Variants in PCDH7 observed in about 807,000 individuals in gnomAD.
PCDH7 encodes protocadherin 7.
A neutral mutation model predicts 58.9 loss-of-function variants in PCDH7; 17 were observed. The observed-to-expected ratio is 0.29, with a 90% CI of 0.20 to 0.43. The LOEUF (loss-of-function observed/expected upper bound fraction) is 0.43. Ranked by LOEUF, PCDH7 falls within the 20% of genes least tolerant of loss-of-function variation. The probability of loss-of-function intolerance (pLI) is 1.00; values close to 1 mark genes in which losing one functional copy is unlikely to be tolerated. For missense variants in PCDH7, 1,274 were observed against 1,441.0 expected (o/e 0.88, Z 1.88); for synonymous variants, 664 against 616.4 (o/e 1.08, Z -1.14).
chr4:30,755,866 G>A (rs888499830), intron 1 of PCDH7, among the ~76,000 whole-genome samples: 5 of 152,000 alleles, frequency 3.3e-5, no homozygotes, highest in African/African-American at 1.2e-4. Flanking sequence ...GGATCAGGAG[G>A]TCAAGAGATC....
At chr4:30,869,918 T>A (rs1735343221) in intron 1 of PCDH7, among the ~76,000 whole-genome samples, 1 of 152,186 alleles carries the variant, frequency 6.6e-6, no homozygotes, top group East Asian at 1.9e-4. Flanking sequence ...AAAGCGTTCC[T>A]ATTTCTCCAC....
At chr4:31,007,170 T>C (rs929899814) in intron 3 of PCDH7, among the ~76,000 whole-genome samples, 1 of 152,164 alleles carries the variant, frequency 6.6e-6, no homozygotes, top group African/African-American at 2.4e-5. Context: ...GCTGTCTGGC[T>C]TGGAGAATTA....
chr4:31,028,419 G>A (rs1005807757), intron 3 of PCDH7, among the ~76,000 whole-genome samples: 4 of 152,044 alleles, frequency 2.6e-5, no homozygotes, highest in South Asian at 2.1e-4. Flanking sequence ...GGGCCGCTGA[G>A]GTAGTAGGAC....
intron 3 of PCDH7, among the ~76,000 whole-genome samples, chr4:31,036,467 T>C (rs902017162): frequency 2.0e-5 from 3 of 152,054 alleles, no homozygotes; most frequent in Non-Finnish European, 4.4e-5. Context: ...GGATTATAAG[T>C]GCAAGCCACT....
At chr4:30,762,101 A>G (rs918570759) in intron 1 of PCDH7, among the ~76,000 whole-genome samples, 4 of 152,230 alleles carry the variant, frequency 2.6e-5, no homozygotes, top group Admixed American at 6.5e-5. Context: ...GCATTTATAT[A>G]TTAATCCTGT....
intron 3 of PCDH7, among the ~76,000 whole-genome samples, chr4:31,089,322 A>T (rs184679403): frequency 3.7e-4 from 57 of 152,288 alleles, no homozygotes; most frequent in Admixed American, 3.9e-4. Context: ...TAATAAATAC[A>T]GAAAAAACAC....
At chr4:30,964,614 C>CTT (rs5857217) in intron 3 of PCDH7, among the ~76,000 whole-genome samples, 30,404 of 144,386 alleles carry the variant, frequency 0.21, 3,624 homozygotes, top group South Asian at 0.27. Flanking sequence ...CACAAATGGA[C>CTT]TTTTTTTTTT....
chr4:31,096,499 G>A (rs533768462), intron 3 of PCDH7, among the ~76,000 whole-genome samples: 75 of 152,250 alleles, frequency 4.9e-4, no homozygotes, highest in African/African-American at 1.8e-3. Context: ...TTAAAGGGTA[G>A]CAAATTTAGA....
chr4:30,841,049 A>C (rs1731149511), intron 1 of PCDH7, among the ~76,000 whole-genome samples: 1 of 152,184 alleles, frequency 6.6e-6, no homozygotes, highest in Admixed American at 6.6e-5. Context: ...TGGAATTTAA[A>C]TAAATGCAAC....
chr4:30,861,202 A>C (rs1029879922), intron 1 of PCDH7, among the ~76,000 whole-genome samples: 2 of 152,190 alleles, frequency 1.3e-5, no homozygotes, highest in African/African-American at 2.4e-5. Flanking sequence ...TGATGCCTCC[A>C]ACGATTCAAC....
At chr4:30,793,847 T>C (rs1250332064) in intron 1 of PCDH7, 4 of 152,176 alleles carry the variant, frequency 2.6e-5, no homozygotes, top group African/African-American at 4.8e-5. Context: ...ACATAGAAGA[T>C]AAGTATAAAG....
At chr4:31,042,343 G>A (rs544661698) in intron 3 of PCDH7, among the ~76,000 whole-genome samples, 1 of 152,208 alleles carries the variant, frequency 6.6e-6, no homozygotes, top group South Asian at 2.1e-4. Context: ...TTTTTTCCCA[G>A]TAGAATTCTC....
intron 3 of PCDH7, among the ~76,000 whole-genome samples, chr4:31,006,473 G>T (rs759367037): frequency 1.3e-5 from 2 of 152,040 alleles, no homozygotes; most frequent in Non-Finnish European, 2.9e-5. Flanking sequence ...ATGGCCAAAG[G>T]GAGACATATA....
intron 2 of PCDH7, among the ~76,000 whole-genome samples, chr4:30,921,839 T>A (rs956323546): frequency 6.7e-6 from 1 of 150,014 alleles, no homozygotes; most frequent in African/African-American, 2.4e-5. Flanking sequence ...AAAAAGAAAT[T>A]AAACTAAAAA....
chr4:30,835,570 A>G (rs1461724581), intron 1 of PCDH7, among the ~76,000 whole-genome samples: 1 of 152,148 alleles, frequency 6.6e-6, no homozygotes, highest in Non-Finnish European at 1.5e-5. Context: ...GAGAGATCCA[A>G]TCATATGGAG....
At chr4:30,977,294 A>T (rs534717505) in intron 3 of PCDH7, among the ~76,000 whole-genome samples, 12 of 152,290 alleles carry the variant, frequency 7.9e-5, no homozygotes, top group African/African-American at 2.9e-4. Context: ...AATAAAAATT[A>T]TACTTAGAAG....
At chr4:30,965,963 A>G (rs1418281233) in intron 3 of PCDH7, among the ~76,000 whole-genome samples, 1 of 152,082 alleles carries the variant, frequency 6.6e-6, no homozygotes. Context: ...GTGAAAATGC[A>G]TTTTTCTTTT....
At chr4:31,116,330 A>G (rs893867668) in intron 3 of PCDH7, among the ~76,000 whole-genome samples, 24 of 152,238 alleles carry the variant, frequency 1.6e-4, no homozygotes, top group African/African-American at 5.8e-4. Flanking sequence ...TGCTGTTTGC[A>G]TACTTTTCTG....
chr4:31,108,327 A>C (rs1715836457), intron 3 of PCDH7, among the ~76,000 whole-genome samples: 2 of 145,860 alleles, frequency 1.4e-5, no homozygotes, highest in Admixed American at 1.4e-4. Flanking sequence ...TATTCTAAAA[A>C]TAGAGCAATG....
Sources: gnomAD v4.1 joint callset for allele counts (sites outside exome capture counted in the v4.1 genomes callset) on GRCh38, gnomAD v4.1.1 for gene constraint, MANE v1.5 for transcripts, NCBI Gene and HGNC (gene_info 2026-07-23, HGNC 2026-07-21) for gene names.